The following MTSS1 variants were observed in gnomAD, a reference collection of about 807,000 sequenced individuals.
MTSS1 encodes protein MTSS 1.
In MTSS1, 18 loss-of-function variants were observed where a neutral mutation model predicts 79.0. The observed-to-expected ratio is 0.23, with a 90% CI of 0.16 to 0.34. The LOEUF (loss-of-function observed/expected upper bound fraction) is 0.34, where lower values mean the gene tolerates loss of function less well. Ranked by LOEUF, MTSS1 falls within the 10% of genes least tolerant of loss-of-function variation. The pLI is 1.00. For synonymous variants in MTSS1, 341 were observed against 368.6 expected (o/e 0.93, Z 0.86); for missense variants, 815 against 986.2 (o/e 0.83, Z 2.33).
intron 3 of MTSS1, among the ~76,000 whole-genome samples, chr8:124,645,233 G>GAAA (rs1381923586): frequency 6.6e-6 from 1 of 151,978 alleles, no homozygotes; most frequent in Non-Finnish European, 1.5e-5. Context: ...ACGAAAAAAC[G>GAAA]AAAAACAATT....
At chr8:124,637,024 T>C (rs1411405728) in intron 3 of MTSS1, among the ~76,000 whole-genome samples, 1 of 152,212 alleles carries the variant, frequency 6.6e-6, no homozygotes, top group African/African-American at 2.4e-5. Flanking sequence ...TTCAATCTTT[T>C]GCTGTGTGCC....
intron 3 of MTSS1, among the ~76,000 whole-genome samples, chr8:124,664,264 G>A (rs1048183436): frequency 2.6e-5 from 4 of 152,176 alleles, no homozygotes; most frequent in African/African-American, 9.7e-5. Context: ...GGGCAGCCAA[G>A]CCAATGGCCC....
intron 3 of MTSS1, among the ~76,000 whole-genome samples, chr8:124,625,393 T>C (rs907246798): frequency 2.0e-5 from 3 of 152,214 alleles, no homozygotes; most frequent in African/African-American, 7.2e-5. Flanking sequence ...ATCTAGGCAC[T>C]GTACCTATCA....
chr8:124,654,450 T>C lies in MTSS1; in HGVS notation c.208+45076A>G, dbSNP rs200517183. On this transcript the variant is annotated intron_variant, in intron 3 of 13. Coordinates refer to ENST00000518547, the MANE Select transcript of MTSS1 (RefSeq NM_014751.6). ...AAATGTGAGGCATATTAACGAGTTCTATAGCAGAGAAGTTCTTCCTCCCTC... is the reference window on the plus strand; with the variant it reads ...AAATGTGAGGCATATTAACGAGTTCCATAGCAGAGAAGTTCTTCCTCCCTC... Among the ~76,000 whole-genome samples the C allele has an allele frequency of 2.0e-4, 30 of 152,340 alleles. No homozygotes were observed. In the East Asian group the frequency reaches 5.0e-3, roughly 25 times the overall value.
intron 2 of MTSS1, among the ~76,000 whole-genome samples, chr8:124,701,143 G>A (rs1265631716): frequency 2.6e-5 from 4 of 152,120 alleles, no homozygotes; most frequent in Admixed American, 1.3e-4. Context: ...AGGCTGAGAC[G>A]GGATGACCAC....
At chr8:124,559,711 T>C (rs962826282) in intron 10 of MTSS1, among the ~76,000 whole-genome samples, 1 of 152,230 alleles carries the variant, frequency 6.6e-6, no homozygotes, top group Non-Finnish European at 1.5e-5. Context: ...ACCTGGCACA[T>C]GGCTGGTGCT....
chr8:124,581,025 G>A (rs1012555256), intron 6 of MTSS1, among the ~76,000 whole-genome samples: 22 of 152,160 alleles, frequency 1.4e-4, no homozygotes, highest in African/African-American at 5.1e-4. Context: ...TACTATGCTC[G>A]TATAGAACTC....
At chr8:124,652,698 G>A (rs1820192482) in intron 3 of MTSS1, among the ~76,000 whole-genome samples, 2 of 151,848 alleles carry the variant, frequency 1.3e-5, no homozygotes, top group Admixed American at 6.6e-5. Flanking sequence ...GGGAGGCTGA[G>A]GCAGGAGAAT....
intron 3 of MTSS1, among the ~76,000 whole-genome samples, chr8:124,621,017 A>C (rs1434980723): frequency 6.6e-6 from 1 of 152,184 alleles, no homozygotes; most frequent in Non-Finnish European, 1.5e-5. Flanking sequence ...GAAGGCCAGA[A>C]AAGAAGAAGC....
At chr8:124,567,040 A>G (rs576208540) in intron 8 of MTSS1, 31 bp downstream of exon 8, 2 of 1,539,004 alleles carry the variant, frequency 1.3e-6, no homozygotes, top group South Asian at 2.3e-5. Context: ...CTTTGGTTTG[A>G]TCCTGTAAGT....
intron 3 of MTSS1, among the ~76,000 whole-genome samples, chr8:124,684,121 C>T (rs1193986924): frequency 3.9e-5 from 6 of 152,132 alleles, no homozygotes; most frequent in African/African-American, 7.2e-5. Flanking sequence ...TTTTTCTAGA[C>T]GAATGAACTG....
intron 3 of MTSS1, among the ~76,000 whole-genome samples, chr8:124,686,720 G>A (rs1454639726): frequency 1.3e-5 from 2 of 152,078 alleles, no homozygotes; most frequent in Non-Finnish European, 2.9e-5. Flanking sequence ...AACCTACAAT[G>A]CACAACACGC....
At chr8:124,657,669 G>A (rs1821223263) in intron 3 of MTSS1, among the ~76,000 whole-genome samples, 1 of 152,102 alleles carries the variant, frequency 6.6e-6, no homozygotes, top group African/African-American at 2.4e-5. Flanking sequence ...ACGTTCACAC[G>A]GTCCTTACCA....
chr8:124,570,533 T>C (rs1388442988), intron 6 of MTSS1, among the ~76,000 whole-genome samples: 3 of 152,230 alleles, frequency 2.0e-5, no homozygotes, highest in Non-Finnish European at 4.4e-5. Flanking sequence ...GTGCCTAAAT[T>C]ATGTATTAAA....
chr8:124,605,063 G>A (rs983566260), intron 3 of MTSS1, among the ~76,000 whole-genome samples: 1 of 152,206 alleles, frequency 6.6e-6, no homozygotes, highest in Non-Finnish European at 1.5e-5. Context: ...AACACATTCC[G>A]ACAGGGAGGC....
intron 4 of MTSS1, among the ~76,000 whole-genome samples, chr8:124,590,269 G>A (rs532745306): frequency 6.6e-6 from 1 of 152,314 alleles, no homozygotes; most frequent in East Asian, 1.9e-4. Flanking sequence ...CCAAGTTGCA[G>A]AACCACAGGG....
intron 5 of MTSS1, among the ~76,000 whole-genome samples, chr8:124,586,761 G>C (rs547057155): frequency 6.6e-6 from 1 of 152,158 alleles, no homozygotes; most frequent in Non-Finnish European, 1.5e-5. Flanking sequence ...TATGCAGGCC[G>C]GACAATGGGT....
At chr8:124,719,232 A>C (rs1832563257) in intron 1 of MTSS1, among the ~76,000 whole-genome samples, 1 of 152,218 alleles carries the variant, frequency 6.6e-6, no homozygotes, top group African/African-American at 2.4e-5. Context: ...CCATCTGTAA[A>C]ATGGGAATTA....
chr8:124,566,592 C>T (rs1826541733), intron 8 of MTSS1, among the ~76,000 whole-genome samples: 3 of 152,158 alleles, frequency 2.0e-5, no homozygotes, highest in African/African-American at 7.2e-5. Flanking sequence ...AGAGAGCTCT[C>T]CATGCATTGC....
Sources: allele counts gnomAD v4.1 joint callset (sites outside exome capture counted in the v4.1 genomes callset), GRCh38; gene constraint gnomAD v4.1.1; transcripts MANE v1.5; gene names NCBI Gene and HGNC (gene_info 2026-07-23, HGNC 2026-07-21).